PIP5K1C: variants seen among roughly 807,000 people sequenced by gnomAD.
The protein encoded by PIP5K1C is phosphatidylinositol-4-phosphate 5-kinase type 1 gamma.
A neutral mutation model predicts 80.1 loss-of-function variants in PIP5K1C; 45 were observed. That is an observed-to-expected ratio of 0.56 (90% CI 0.44 to 0.72). The LOEUF is 0.72. PIP5K1C is among the 30% of genes least tolerant of loss of function. The probability of loss-of-function intolerance (pLI) is 0.00; values close to 1 mark genes in which losing one functional copy is unlikely to be tolerated. For missense variants in PIP5K1C, 753 were observed against 954.6 expected (o/e 0.79, Z 2.78); for synonymous variants, 498 against 420.1 (o/e 1.19, Z -2.27).
intron 1 of PIP5K1C, among the ~76,000 whole-genome samples, chr19:3,683,681 G>GTCACCACAGCAGGGAC (rs1463466756): frequency 2.6e-5 from 4 of 152,174 alleles, no homozygotes; most frequent in Admixed American, 2.6e-4. Context: ...CCCAGTCTGC[G>GTCACCACAGCAGGGAC]TCACCACAGC....
intron 15 of PIP5K1C, among the ~76,000 whole-genome samples, chr19:3,639,525 G>A (rs983065752): frequency 3.3e-5 from 5 of 152,138 alleles, no homozygotes; most frequent in Non-Finnish European, 5.9e-5. Context: ...TCCACCGCCC[G>A]GGCTCAAGCG....
intron 13 of PIP5K1C, 66 bp from the exon 14 acceptor site, chr19:3,643,005 C>G: frequency 6.3e-7 from 1 of 1,580,900 alleles, no homozygotes; most frequent in Non-Finnish European, 8.7e-7. Context: ...GTCTACCTGC[C>G]TTGCCTACCC....
At chr19:3,680,979 G>T (rs527585768) in intron 1 of PIP5K1C, among the ~76,000 whole-genome samples, 1 of 152,288 alleles carries the variant, frequency 6.6e-6, no homozygotes, top group East Asian at 1.9e-4. Context: ...TGCCCAGGAT[G>T]GCCCTACCCC....
chr19:3,640,232 G>C (rs578087584), intron 15 of PIP5K1C, among the ~76,000 whole-genome samples: 8 of 152,340 alleles, frequency 5.3e-5, no homozygotes, highest in African/African-American at 1.9e-4. Context: ...AAAACATACA[G>C]GGGCCGCCAC....
intron 1 of PIP5K1C, among the ~76,000 whole-genome samples, chr19:3,678,495 G>A (rs2035476298): frequency 7.8e-6 from 1 of 128,334 alleles, no homozygotes; most frequent in Admixed American, 7.5e-5. Flanking sequence ...ATGGAGGCAA[G>A]GAGGATGGAA....
chr19:3,665,633 T>C (rs2034981823), intron 2 of PIP5K1C, among the ~76,000 whole-genome samples: 1 of 151,980 alleles, frequency 6.6e-6, no homozygotes, highest in Non-Finnish European at 1.5e-5. Context: ...GATGGAAGGA[T>C]TGAAAAGACC....
chr19:3,640,671 T>A (rs2033923094), intron 15 of PIP5K1C, among the ~76,000 whole-genome samples: 3 of 151,754 alleles, frequency 2.0e-5, no homozygotes, highest in Admixed American at 2.0e-4. Context: ...GAGGCCAAGG[T>A]GGGCAGATCA....
In PIP5K1C at chr19:3,692,961, T is replaced by A. The variant is rs2035989886; in HGVS notation, c.94+7336A>T. On this transcript the variant is annotated intron_variant, in intron 1 of 17. Coordinates refer to ENST00000335312, the MANE Select transcript of PIP5K1C (RefSeq NM_012398.3). The surrounding 1 kb of genome is among the most constrained non-coding windows in gnomAD (Gnocchi z 5.2). Reference sequence around the variant, plus strand: ...CACTTCCCCTGGATCTCTGTTCAAGTGTGGCCCCCGAGTCCCCAGCCTTGA... The same window carrying A: ...CACTTCCCCTGGATCTCTGTTCAAGAGTGGCCCCCGAGTCCCCAGCCTTGA... 6.6e-6 allele frequency among the ~76,000 whole-genome samples: 1 copy of A among 151,980 alleles called. No individual in the cohort carries two copies. Among genetic ancestry groups the A allele is most frequent in the Non-Finnish European group, 1.5e-5 (1 of 67,972 alleles).
Position 3,653,339 on chromosome 19 carries a change from T to C in PIP5K1C, c.872A>G (p.Asp291Gly). The change falls in exon 7 of 18, where the codon GAC becomes GGC. Residue 291 changes from aspartate (D) to glycine (G), a missense_variant. Around this residue, in one of 6 missense-constraint regions of PIP5K1C, gnomAD observed 105 missense variants for 133.4 expected, o/e 0.79. Coordinates refer to ENST00000335312, the MANE Select transcript of PIP5K1C (RefSeq NM_012398.3). ...MQDMPEGLLLDADTFSALVKT... is the reference protein window; with the variant it reads ...MQDMPEGLLLGADTFSALVKT... Reference sequence around the variant, plus strand: ...GACCAGGGCGCTGAAGGTGTCGGCGTCCAGCAGGAGCCCCTCGGGCATGTC... The same window carrying C: ...GACCAGGGCGCTGAAGGTGTCGGCGCCCAGCAGGAGCCCCTCGGGCATGTC... 2 of 1,611,496 alleles carry C rather than the reference T, an allele frequency of 1.2e-6. No homozygotes were observed. Among genetic ancestry groups the C allele is most frequent in the Non-Finnish European group, 1.7e-6 (2 of 1,179,984 alleles).
Position 3,664,873 on chromosome 19 carries a change from C to T in PIP5K1C, c.168G>A (p.Lys56=), listed in dbSNP as rs1181934403. The T allele has an allele frequency of 6.2e-7, 1 of 1,613,338 alleles. No homozygotes were observed. The highest frequency in any genetic ancestry group is 1.1e-5 in the South Asian group (1 of 91,082). ...CGTCCACACCTCGATGGCCCAACTT[C>T]TTCCCATGGCCAGGGCCCGGCTGTG... ...MTAQPGPGHG[K]KLGHRGVDAS... The change falls in exon 3 of 18, where the codon AAG becomes AAA. Residue 56 remains lysine, a synonymous_variant. Coordinates refer to ENST00000335312, the MANE Select transcript of PIP5K1C (RefSeq NM_012398.3).
At chr19:3,642,214 C>T (rs890169835) in intron 14 of PIP5K1C, among the ~76,000 whole-genome samples, 4 of 152,218 alleles carry the variant, frequency 2.6e-5, no homozygotes, top group African/African-American at 4.8e-5. Context: ...TCACATCCCA[C>T]CCAGGGCACC....
intron 10 of PIP5K1C, among the ~76,000 whole-genome samples, chr19:3,646,781 G>C (rs2034235193): frequency 6.6e-6 from 1 of 152,196 alleles, no homozygotes; most frequent in African/African-American, 2.4e-5. Flanking sequence ...GTGCCTGTTG[G>C]GATCTTGGAT....
At chr19:3,643,544 C>A (rs562043000) in intron 12 of PIP5K1C, among the ~76,000 whole-genome samples, 163 bp from the exon 13 acceptor site, 48 of 152,206 alleles carry the variant, frequency 3.2e-4, no homozygotes, top group African/African-American at 1.1e-3. Flanking sequence ...CGACGTTCCC[C>A]CTCACACAAA....
At chr19:3,642,464 C>T (rs955954517) in intron 14 of PIP5K1C, among the ~76,000 whole-genome samples, 5 of 152,168 alleles carry the variant, frequency 3.3e-5, no homozygotes, top group African/African-American at 4.8e-5. Context: ...AAGGTGTGGG[C>T]GGCGTGCACG....
At chr19:3,674,975 C>T (rs1256862597) in intron 1 of PIP5K1C, among the ~76,000 whole-genome samples, 1 of 152,176 alleles carries the variant, frequency 6.6e-6, no homozygotes, top group African/African-American at 2.4e-5. Flanking sequence ...ACGTCACACT[C>T]AGTGAGAGAT....
rs945558634 is a variant in PIP5K1C at position 3,632,304 on chromosome 19, C to A, written c.*863G>T. ...TCCTGTGGCCCAAGGCCCGGCCTCCCGCTCTGTCCTGCCATGGAGAAAACG... is the reference window on the plus strand; with the variant it reads ...TCCTGTGGCCCAAGGCCCGGCCTCCAGCTCTGTCCTGCCATGGAGAAAACG... On this transcript the variant is annotated 3_prime_UTR_variant, in exon 18 of 18. Coordinates refer to ENST00000335312, the MANE Select transcript of PIP5K1C (RefSeq NM_012398.3). 6.6e-6 allele frequency: 1 copy of A among 152,358 alleles called. No individual in the cohort carries two copies. Among genetic ancestry groups the A allele is most frequent in the East Asian group, 1.9e-4 (1 of 5,192 alleles). 9.4% of individuals were successfully genotyped at this position (152,358 alleles called of 1,614,324 possible). A position where few individuals can be genotyped will look rare whatever the true frequency, so the allele number is the denominator to read the frequency against.
At chr19:3,644,824 A>G (rs1205892375) in intron 11 of PIP5K1C, among the ~76,000 whole-genome samples, 1 of 152,042 alleles carries the variant, frequency 6.6e-6, no homozygotes, top group East Asian at 1.9e-4. Context: ...GTGCTGTGTG[A>G]GCTCTGCCTC....
In PIP5K1C at chr19:3,642,951, C is replaced by G. The variant is rs765423580; in HGVS notation, c.1650-12G>C. The G allele has an allele frequency of 6.2e-7, 1 of 1,613,494 alleles. No individual in the cohort carries two copies. The highest frequency in any genetic ancestry group is 1.3e-5 in the African/African-American group (1 of 74,992). On this transcript the variant is annotated splice_polypyrimidine_tract_variant and intron_variant, in intron 13 of 17. Coordinates refer to ENST00000335312, the MANE Select transcript of PIP5K1C (RefSeq NM_012398.3). ...ACTGTGTGCGCCGCCTGCAGAGATA[C>G]AGCAAACACGTGACACCCAGAAAGA...
rs2035844079 is a variant in PIP5K1C at position 3,688,567 on chromosome 19, G to T, written c.94+11730C>A. ...CTGGCCTTTCCCTGGTCCACTGAGAGCCGCGTGTGTTTTTTGCGGTTTTGC... is the reference window on the plus strand; with the variant it reads ...CTGGCCTTTCCCTGGTCCACTGAGATCCGCGTGTGTTTTTTGCGGTTTTGC... On this transcript the variant is annotated intron_variant, in intron 1 of 17. Transcript: ENST00000335312. This position sits in a 1 kb window ranked among gnomAD's most constrained non-coding sequence, Gnocchi z 5.3. 6.6e-6 allele frequency among the ~76,000 whole-genome samples: 1 copy of T among 152,130 alleles called. No individual in the cohort carries two copies. Among genetic ancestry groups the T allele is most frequent in the Admixed American group, 6.5e-5 (1 of 15,274 alleles).
Sources: allele counts gnomAD v4.1 joint callset (sites outside exome capture counted in the v4.1 genomes callset), GRCh38; gene constraint gnomAD v4.1.1; regional missense constraint gnomAD v4.1.1; non-coding constraint Gnocchi (gnomAD v3.1); transcripts MANE v1.5; gene names NCBI Gene and HGNC (gene_info 2026-07-23, HGNC 2026-07-21).